C2orf74: variants seen among roughly 807,000 people sequenced by gnomAD.
C2orf74 encodes uncharacterized protein C2orf74.
A neutral mutation model predicts 17.9 loss-of-function variants in C2orf74; 14 were observed. The ratio of observed to expected loss-of-function variants is 0.78; its 90% CI spans 0.52 to 1.22. C2orf74 has a LOEUF of 1.22. Ranked by LOEUF, C2orf74 falls within the 50% of genes most tolerant of loss-of-function variation. The probability of loss-of-function intolerance (pLI) is 0.00; values close to 1 mark genes in which losing one functional copy is unlikely to be tolerated. For synonymous variants in C2orf74, 79 were observed against 72.6 expected (o/e 1.09, Z -0.44); for missense variants, 217 against 218.4 (o/e 0.99, Z 0.04).
At chr2:61,159,392 G>A, upstream of C2orf74, 1 of 270,362 alleles carries the variant, frequency 3.7e-6, no homozygotes, top group Non-Finnish European at 7.5e-6. Flanking sequence ...TGCCTTCCCA[G>A]TTCAAGCAAT....
chr2:61,163,571 C>T (rs1685638809), intron 4 of C2orf74, among the ~76,000 whole-genome samples: 1 of 151,384 alleles, frequency 6.6e-6, no homozygotes, highest in Non-Finnish European at 1.5e-5. Flanking sequence ...CACTGCACTC[C>T]AGCCTGGTGA....
intron 4 of C2orf74, among the ~76,000 whole-genome samples, chr2:61,163,610 T>A (rs3889718): frequency 0.43 from 64,167 of 150,058 alleles, 13,935 homozygotes; most frequent in Middle Eastern, 0.49. Context: ...CAAAAAAAAA[T>A]AATAATAATA....
At chr2:61,159,279 A>C, upstream of C2orf74, 1 of 367,754 alleles carries the variant, frequency 2.7e-6, no homozygotes, top group South Asian at 2.1e-5. Flanking sequence ...TACAGGCGTG[A>C]GCCACCACAC....
At chr2:61,153,353 T>C (rs1026307562) in intron 1 of C2orf74, among the ~76,000 whole-genome samples, 3 of 151,404 alleles carry the variant, frequency 2.0e-5, no homozygotes, top group Non-Finnish European at 2.9e-5. Flanking sequence ...CGATCTCAGC[T>C]CACTGCAAGC....
intron 1 of C2orf74, among the ~76,000 whole-genome samples, chr2:61,145,819 A>T (rs1363642507): frequency 6.6e-6 from 1 of 152,094 alleles, no homozygotes; most frequent in Admixed American, 6.6e-5. Flanking sequence ...CCTCAGTTTC[A>T]CCAAGTGCTA....
At chr2:61,163,322 A>G (rs1360253506) in intron 4 of C2orf74, 90 bp downstream of exon 4, 2 of 1,381,718 alleles carry the variant, frequency 1.4e-6, no homozygotes, top group African/African-American at 2.9e-5. Context: ...ATAATAGGAG[A>G]TGGAGGACCG....
chr2:61,146,754 G>T (rs1471523061), intron 1 of C2orf74, among the ~76,000 whole-genome samples: 7 of 151,928 alleles, frequency 4.6e-5, no homozygotes, highest in Non-Finnish European at 8.8e-5. Flanking sequence ...GAATTGAATC[G>T]CTTGAACCAG....
At chr2:61,156,832 C>T (rs1174061052) in intron 1 of C2orf74, among the ~76,000 whole-genome samples, 1 of 152,176 alleles carries the variant, frequency 6.6e-6, no homozygotes, top group Non-Finnish European at 1.5e-5. Flanking sequence ...CTGCAGTGAA[C>T]CAAGATCATG....
intron 1 of C2orf74, among the ~76,000 whole-genome samples, chr2:61,153,112 A>G (rs1685286152): frequency 6.9e-6 from 1 of 145,752 alleles, no homozygotes; most frequent in African/African-American, 2.5e-5. Flanking sequence ...AGATGGTGCC[A>G]TTGCACTCCT....
chr2:61,150,736 C>G (rs1326381192), intron 1 of C2orf74, among the ~76,000 whole-genome samples: 1 of 152,122 alleles, frequency 6.6e-6, no homozygotes, highest in African/African-American at 2.4e-5. Context: ...GCAAGAACTA[C>G]AGGAGAGAAT....
chr2:61,149,975 A>C (rs761280427), intron 1 of C2orf74, among the ~76,000 whole-genome samples: 34 of 152,116 alleles, frequency 2.2e-4, no homozygotes, highest in Non-Finnish European at 4.0e-4. Context: ...GGCTTAGTCT[A>C]CTTCTTGTCC....
upstream of C2orf74, among the ~76,000 whole-genome samples, chr2:61,157,512 G>C (rs1685426978): frequency 6.6e-6 from 1 of 152,114 alleles, no homozygotes; most frequent in Non-Finnish European, 1.5e-5. Flanking sequence ...ACCAGCTTAA[G>C]CCAAAAAGGA....
chr2:61,163,348 C>G (rs1232699073), intron 4 of C2orf74, 116 bp downstream of exon 4: 1 of 1,123,402 alleles, frequency 8.9e-7, no homozygotes, highest in African/African-American at 1.6e-5. Flanking sequence ...GTGGCTCACG[C>G]CTGTAATCCC....
intron 1 of C2orf74, among the ~76,000 whole-genome samples, chr2:61,152,805 G>A (rs376238928): frequency 5.8e-5 from 8 of 138,538 alleles, no homozygotes; most frequent in Non-Finnish European, 1.2e-4. Context: ...CCAAGATTGC[G>A]CCATTGCACT....
chr2:61,146,152 A>G (rs1685063370), intron 1 of C2orf74, among the ~76,000 whole-genome samples: 1 of 152,274 alleles, frequency 6.6e-6, no homozygotes, highest in African/African-American at 2.4e-5. Flanking sequence ...GAAGACTGAT[A>G]TTATAAACTA....
intron 1 of C2orf74, among the ~76,000 whole-genome samples, chr2:61,154,968 G>C (rs1316519097): frequency 6.6e-6 from 1 of 152,114 alleles, no homozygotes; most frequent in Non-Finnish European, 1.5e-5. Context: ...GGGAGGCTGA[G>C]GCAGGAGAAT....
At chr2:61,159,021 G>A (rs943412489), upstream of C2orf74, among the ~76,000 whole-genome samples, 7 of 151,304 alleles carry the variant, frequency 4.6e-5, no homozygotes, top group South Asian at 2.1e-4. Flanking sequence ...GTTTTGAGAC[G>A]GGGTCTCACT....
chr2:61,160,120 T>G (rs1685516996), upstream of C2orf74, among the ~76,000 whole-genome samples: 1 of 152,160 alleles, frequency 6.6e-6, no homozygotes, highest in African/African-American at 2.4e-5. Context: ...GCATAATGCC[T>G]TCAAAATTCT....
At chr2:61,162,790 T>G (rs1319444467) in intron 2 of C2orf74, 52 bp from the exon 3 acceptor site, 1 of 1,445,166 alleles carries the variant, frequency 6.9e-7, no homozygotes, top group East Asian at 2.5e-5. Context: ...TACCACACCT[T>G]AAAATCAGGG....
Sources: allele counts gnomAD v4.1 joint callset (sites outside exome capture counted in the v4.1 genomes callset), GRCh38; gene constraint gnomAD v4.1.1; transcripts MANE v1.5; gene names NCBI Gene and HGNC (gene_info 2026-07-23, HGNC 2026-07-21).